The following FBXO4 variants were observed in gnomAD, a reference collection of about 807,000 sequenced individuals.
FBXO4 encodes the protein F-box only protein 4.
A neutral mutation model predicts 43.7 loss-of-function variants in FBXO4; 36 were observed. The observed-to-expected ratio is 0.82, with a 90% CI of 0.63 to 1.09. The LOEUF (loss-of-function observed/expected upper bound fraction) is 1.09. Ranked by LOEUF, FBXO4 falls within the 50% of genes least tolerant of loss-of-function variation. The probability of loss-of-function intolerance (pLI) is 0.00; values close to 1 mark genes in which losing one functional copy is unlikely to be tolerated. For missense variants in FBXO4, 435 were observed against 474.1 expected, an observed-to-expected ratio of 0.92 and a Z score of 0.77; for synonymous variants, 180 against 165.6, an observed-to-expected ratio of 1.09 and a Z score of -0.67.
the FBXO4 span, among the ~76,000 whole-genome samples, chr5:41,977,178 T>C: frequency 6.6e-6 from 1 of 152,234 alleles, no homozygotes; most frequent in Non-Finnish European, 1.5e-5. Flanking sequence ...TGAAGACTTC[T>C]GCAATGCCTT....
At chr5:42,004,962 T>G in the FBXO4 span, among the ~76,000 whole-genome samples, 3 of 152,170 alleles carry the variant, frequency 2.0e-5, no homozygotes, top group African/African-American at 7.2e-5. Flanking sequence ...TTGATCTAAA[T>G]GAACACATAG....
At chr5:41,977,404 C>G in the FBXO4 span, among the ~76,000 whole-genome samples, 1 of 152,110 alleles carries the variant, frequency 6.6e-6, no homozygotes, top group Non-Finnish European at 1.5e-5. Flanking sequence ...TTTATTTGTT[C>G]CCATATCTGA....
the FBXO4 span, among the ~76,000 whole-genome samples, chr5:42,015,596 C>G: frequency 8.6e-5 from 13 of 151,918 alleles, no homozygotes; most frequent in East Asian, 2.3e-3. Flanking sequence ...AATGTGACAC[C>G]CTCCAAATGT....
chr5:42,014,231 G>T, the FBXO4 span, among the ~76,000 whole-genome samples: 1 of 152,066 alleles, frequency 6.6e-6, no homozygotes. Flanking sequence ...TTAAAAATCT[G>T]CAGAAAATTA....
At chr5:41,949,566 G>T in the FBXO4 span, among the ~76,000 whole-genome samples, 5 of 152,156 alleles carry the variant, frequency 3.3e-5, no homozygotes, top group East Asian at 9.6e-4. Context: ...AATAAGAGAG[G>T]ACACAAACAA....
the FBXO4 span, among the ~76,000 whole-genome samples, chr5:41,986,990 T>C: frequency 6.6e-6 from 1 of 152,156 alleles, no homozygotes; most frequent in African/African-American, 2.4e-5. Flanking sequence ...TTTAAATCCA[T>C]TTAGCTTTAA....
chr5:42,039,063 G>A, the FBXO4 span, among the ~76,000 whole-genome samples: 1 of 152,196 alleles, frequency 6.6e-6, no homozygotes, highest in African/African-American at 2.4e-5. Context: ...TTATTCAAGA[G>A]AGAGTTTCAT....
the FBXO4 span, among the ~76,000 whole-genome samples, chr5:41,983,539 T>C: frequency 1.6e-4 from 24 of 152,170 alleles, no homozygotes; most frequent in African/African-American, 5.8e-4. Flanking sequence ...TGAAATGTTT[T>C]TCAACATAAA....
the FBXO4 span, among the ~76,000 whole-genome samples, chr5:42,017,697 G>A: frequency 1.3e-5 from 2 of 150,698 alleles, no homozygotes; most frequent in African/African-American, 2.4e-5. Flanking sequence ...TGATAATTTC[G>A]TTTTCTGTTC....
Position 41,939,514 on chromosome 5 carries a change from A to G in FBXO4, c.972A>G (p.Pro324=), listed in dbSNP as rs772685831. 1.9e-6 allele frequency: 3 copies of G among 1,613,662 alleles called. No homozygotes were observed. Among genetic ancestry groups the G allele is most frequent in the African/African-American group, 2.7e-5 (2 of 74,910 alleles). The change falls in exon 6 of 7, where the codon CCA becomes CCG. Residue 324 remains proline, a synonymous_variant. Transcript: ENST00000281623. The stretch of plus-strand genomic sequence containing the variant: ...CAGCCTTTGGGTCTTCGGGAAGACC[A>G]TTGTTGGTTTTATCTTGTATTTCTC... ...TDPAFGSSGR[P]LLVLSCISQG...
chr5:41,927,006 G>C lies in FBXO4; in HGVS notation c.190-7G>C. The C allele has an allele frequency of 1.9e-6, 3 of 1,554,878 alleles. No homozygotes were observed. The highest frequency in any genetic ancestry group is 2.6e-6 in the Non-Finnish European group (3 of 1,147,552). On this transcript the variant is annotated splice_region_variant and splice_polypyrimidine_tract_variant and intron_variant, in intron 1 of 6. Coordinates refer to ENST00000281623, the MANE Select transcript of FBXO4 (RefSeq NM_012176.3). ...TTTTTCCTACCTGCTGCTTTCTTCT[G>C]TTTCAGATTGATGTACAGCTATATA... is the stretch of plus-strand genomic sequence containing the variant.
chr5:41,970,237 A>G, the FBXO4 span, among the ~76,000 whole-genome samples: 1 of 152,082 alleles, frequency 6.6e-6, no homozygotes, highest in South Asian at 2.1e-4. Flanking sequence ...GAAATTGAAA[A>G]ATGCTAAACC....
chr5:41,940,259 A>G (rs1751971446), intron 6 of FBXO4, among the ~76,000 whole-genome samples: 1 of 151,556 alleles, frequency 6.6e-6, no homozygotes, highest in Non-Finnish European at 1.5e-5. Context: ...TTGCTTTCTA[A>G]AATATATTTT....
At chr5:41,987,506 G>A in the FBXO4 span, among the ~76,000 whole-genome samples, 1 of 152,112 alleles carries the variant, frequency 6.6e-6, no homozygotes. Context: ...ATAGAGAAGG[G>A]TAATTGTAAT....
chr5:42,019,849 A>G, the FBXO4 span, among the ~76,000 whole-genome samples: 1 of 152,134 alleles, frequency 6.6e-6, no homozygotes, highest in South Asian at 2.1e-4. Context: ...TATATATTAC[A>G]CTTATTTTAA....
chr5:41,993,755 G>A, the FBXO4 span, among the ~76,000 whole-genome samples: 4 of 151,886 alleles, frequency 2.6e-5, no homozygotes, highest in Admixed American at 1.3e-4. Context: ...GAGTCAGTTC[G>A]AGTTCCAAAA....
chr5:42,038,902 A>C, the FBXO4 span, among the ~76,000 whole-genome samples: 1 of 152,068 alleles, frequency 6.6e-6, no homozygotes, highest in African/African-American at 2.4e-5. Flanking sequence ...ACTTAACGTG[A>C]TGTCTTCTGG....
chr5:42,032,943 G>A, the FBXO4 span, among the ~76,000 whole-genome samples: 1 of 152,204 alleles, frequency 6.6e-6, no homozygotes, highest in Non-Finnish European at 1.5e-5. Flanking sequence ...TCTTCAATTA[G>A]CAAATGATGA....
chr5:41,994,203 T>C, the FBXO4 span, among the ~76,000 whole-genome samples: 13 of 152,264 alleles, frequency 8.5e-5, no homozygotes, highest in South Asian at 2.7e-3. Context: ...CAAAATGCTA[T>C]TACATAAAGT....
Sources: gnomAD v4.1 joint callset for allele counts (sites outside exome capture counted in the v4.1 genomes callset) on GRCh38, gnomAD v4.1.1 for gene constraint, MANE v1.5 for transcripts, NCBI Gene and HGNC (gene_info 2026-07-23, HGNC 2026-07-21) for gene names.